Variants in PRRC2B observed in about 807,000 individuals in gnomAD.
PRRC2B encodes the protein protein PRRC2B.
Under a neutral mutation model 242.3 loss-of-function variants are expected in PRRC2B, and 68 were observed. The ratio of observed to expected loss-of-function variants is 0.28; its 90% CI spans 0.23 to 0.34. The LOEUF (loss-of-function observed/expected upper bound fraction) is 0.34. PRRC2B is among the 10% of genes least tolerant of loss of function. PRRC2B has a pLI of 1.00. For synonymous variants in PRRC2B, 1,228 were observed against 1,173.6 expected, an observed-to-expected ratio of 1.05 and a Z score of -0.95; for missense variants, 2,835 against 2,954.8, an observed-to-expected ratio of 0.96 and a Z score of 0.94.
chr9:131,377,069 G>A (rs926444335), intron 1 of PRRC2B, among the ~76,000 whole-genome samples: 1 of 152,136 alleles, frequency 6.6e-6, no homozygotes, highest in African/African-American at 2.4e-5. Flanking sequence ...GTTATCTGTC[G>A]GTAGCCAACC....
chr9:131,490,183 C>A (rs1204465317), intron 28 of PRRC2B, among the ~76,000 whole-genome samples: 1 of 151,860 alleles, frequency 6.6e-6, no homozygotes, highest in East Asian at 2.0e-4. Context: ...CCTCCCGGTC[C>A]TTCTGCTTGT....
intron 11 of PRRC2B, 94 bp downstream of exon 11, chr9:131,459,450 T>C: frequency 9.8e-7 from 1 of 1,022,184 alleles, no homozygotes; most frequent in South Asian, 1.7e-5. Context: ...TTCTTTTTCA[T>C]TTTTATATTT....
chr9:131,485,468 CCA>C (rs552743483), intron 25 of PRRC2B, among the ~76,000 whole-genome samples: 187 of 152,294 alleles, frequency 1.2e-3, no homozygotes, highest in African/African-American at 4.4e-3. Context: ...TCTTGCCGAG[CCA>C]CAGTGTCCTC....
At chr9:131,481,580 CG>C (rs1194668045) in intron 19 of PRRC2B, 145 bp from the exon 20 acceptor site, 1 of 654,668 alleles carries the variant, frequency 1.5e-6, no homozygotes, top group Admixed American at 2.3e-5. Flanking sequence ...CTGGGTGTCA[CG>C]GGTAGGGGGC....
intron 13 of PRRC2B, among the ~76,000 whole-genome samples, chr9:131,468,735 A>C (rs1223715042): frequency 1.3e-5 from 2 of 152,200 alleles, no homozygotes; most frequent in Non-Finnish European, 2.9e-5. Flanking sequence ...AAATATTTCA[A>C]AACGTGTGTG....
intron 28 of PRRC2B, among the ~76,000 whole-genome samples, chr9:131,488,511 C>T (rs1944091544): frequency 6.6e-6 from 1 of 152,188 alleles, no homozygotes; most frequent in Non-Finnish European, 1.5e-5. Flanking sequence ...ATCTGCCCGC[C>T]TTGGCCTCCC....
chr9:131,479,490 T>C, intron 19 of PRRC2B, 97 bp downstream of exon 19: 1 of 1,183,048 alleles, frequency 8.5e-7, no homozygotes, highest in Admixed American at 2.2e-5. Context: ...GCTACGAATA[T>C]AGATGGAATA....
chr9:131,481,895 C>T (rs1202995514), intron 20 of PRRC2B, 87 bp downstream of exon 20: 6 of 1,202,832 alleles, frequency 5.0e-6, no homozygotes, highest in East Asian at 2.6e-5. Flanking sequence ...TGCTGTGGCC[C>T]ACCCAAGCCC....
intron 10 of PRRC2B, among the ~76,000 whole-genome samples, chr9:131,457,120 A>T (rs1226922024): frequency 6.6e-6 from 1 of 152,198 alleles, no homozygotes; most frequent in Non-Finnish European, 1.5e-5. Flanking sequence ...TTCTGGAAAG[A>T]GTTGGTAATA....
In PRRC2B at chr9:131,479,400, G is replaced by C. The variant is rs200362063; in HGVS notation, c.4900+7G>C. 6.2e-7 allele frequency: 1 copy of C among 1,612,394 alleles called. No homozygotes were observed. The highest frequency in any genetic ancestry group is 1.1e-5 in the South Asian group (1 of 90,728). On this transcript the variant is annotated splice_region_variant and intron_variant, in intron 19 of 31. Coordinates refer to ENST00000683519, the MANE Select transcript of PRRC2B (RefSeq NM_013318.4). ...TGGGAGAGCAGCAGCCAGGGTGAGA[G>C]TTGGGGGTGTGACCCCAGCTGTGGC... is the stretch of plus-strand genomic sequence containing the variant.
chr9:131,385,089 C>T (rs1016367129), intron 1 of PRRC2B, among the ~76,000 whole-genome samples: 12 of 151,802 alleles, frequency 7.9e-5, no homozygotes, highest in Non-Finnish European at 1.3e-4. Context: ...CTGACTATAA[C>T]CTCTGCCTCC....
rs146956482 is a variant in PRRC2B, at chr9:131,435,720, A to G, written c.294-900A>G. Among the ~76,000 whole-genome samples, 893 of 152,238 alleles carry G rather than the reference A, an allele frequency of 5.9e-3. 9 individuals are homozygous for G. Among genetic ancestry groups the G allele is most frequent in the African/African-American group, 0.021 (860 of 41,518 alleles). ...AGACTGGTTAAATTATGACCTGTCT[A>G]GTTGTGTTGTGTGCTCATTAAAAGC... On this transcript the variant is annotated intron_variant, in intron 3 of 31. Coordinates refer to ENST00000683519, the MANE Select transcript of PRRC2B (RefSeq NM_013318.4).
chr9:131,442,810 T>A (rs1231643583), intron 5 of PRRC2B, among the ~76,000 whole-genome samples: 1 of 152,238 alleles, frequency 6.6e-6, no homozygotes, highest in Admixed American at 6.5e-5. Context: ...GTGCCATTTT[T>A]AATCTGTTCA....
chr9:131,487,722 C>A lies in PRRC2B; in HGVS notation c.5985-134C>A. ...CTTGTTCTCAGGCCCCATCCTGGAC[C>A]CTCTGAGTCGCGCTCTGGGGGTGGG... On this transcript the variant is annotated intron_variant, in intron 27 of 31. Coordinates refer to ENST00000683519, the MANE Select transcript of PRRC2B (RefSeq NM_013318.4). This position sits in a 1 kb window ranked among gnomAD's most constrained non-coding sequence, Gnocchi z 5.3. 1.7e-6 allele frequency: 2 copies of A among 1,200,696 alleles called. No individual in the cohort carries two copies. Among genetic ancestry groups the A allele is most frequent in the Non-Finnish European group, 2.3e-6 (2 of 874,812 alleles). 74.4% of individuals were successfully genotyped at this position (1,200,696 alleles called of 1,614,324 possible).
chr9:131,436,956 A>G (rs1276049756), intron 4 of PRRC2B, among the ~76,000 whole-genome samples: 2 of 152,152 alleles, frequency 1.3e-5, no homozygotes, highest in Non-Finnish European at 2.9e-5. Flanking sequence ...ACAGACTAGG[A>G]TACAGGCACC....
At chr9:131,447,842 C>T (rs1189821590) in intron 9 of PRRC2B, 38 bp downstream of exon 9, 5 of 1,591,154 alleles carry the variant, frequency 3.1e-6, no homozygotes, top group African/African-American at 1.3e-5. Context: ...ACGGGCAGGA[C>T]CAAAGTCCAT....
intron 2 of PRRC2B, 31 bp from the exon 3 acceptor site, chr9:131,432,586 T>C (rs2131328046): frequency 6.3e-7 from 1 of 1,594,002 alleles, no homozygotes; most frequent in Non-Finnish European, 8.6e-7. Context: ...CCTTTTTGCA[T>C]GGTGTCTGTT....
In PRRC2B at chr9:131,439,147, C is replaced by T. The variant is rs1456477131; in HGVS notation, c.469+86C>T. 9 of 1,135,310 alleles carry T rather than the reference C, an allele frequency of 7.9e-6. 1 individual carries two copies. The highest frequency in any genetic ancestry group is 4.6e-5 in the African/African-American group (3 of 65,106). 70.3% of individuals were successfully genotyped at this position (1,135,310 alleles called of 1,614,324 possible). A position where few individuals can be genotyped will look rare whatever the true frequency, so the allele number is the denominator to read the frequency against. On this transcript the variant is annotated intron_variant, in intron 5 of 31. Transcript: ENST00000683519. Reference sequence around the variant, plus strand: ...TCCAGAATGTCTGGTTGGGTCTAGGCACCCAGAAGCTTTGAGGACTCTCTT... The same window carrying T: ...TCCAGAATGTCTGGTTGGGTCTAGGTACCCAGAAGCTTTGAGGACTCTCTT...
intron 4 of PRRC2B, among the ~76,000 whole-genome samples, chr9:131,438,031 A>G (rs1444918300): frequency 6.6e-6 from 1 of 152,218 alleles, no homozygotes; most frequent in African/African-American, 2.4e-5. Context: ...CACCTTATCC[A>G]GTGCTCAGTG....
Sources: allele counts gnomAD v4.1 joint callset (sites outside exome capture counted in the v4.1 genomes callset), GRCh38; gene constraint gnomAD v4.1.1; non-coding constraint Gnocchi (gnomAD v3.1); transcripts MANE v1.5; gene names NCBI Gene and HGNC (gene_info 2026-07-23, HGNC 2026-07-21).